CLN6: variants seen among roughly 807,000 people sequenced by gnomAD.
The protein encoded by CLN6 is CLN6 transmembrane ER protein.
A neutral mutation model predicts 33.3 loss-of-function variants in CLN6; 22 were observed. The observed-to-expected ratio is 0.66, with a 90% CI of 0.47 to 0.94. The LOEUF is 0.94. Ranked by LOEUF, CLN6 falls within the 40% of genes least tolerant of loss-of-function variation. The pLI, the probability that CLN6 is intolerant of heterozygous loss-of-function variation, is 0.00. For missense variants in CLN6, 387 were observed against 417.1 expected, an observed-to-expected ratio of 0.93 and a Z score of 0.63; for synonymous variants, 201 against 174.6, an observed-to-expected ratio of 1.15 and a Z score of -1.19.
upstream of CLN6, among the ~76,000 whole-genome samples, chr15:68,232,384 A>G (rs1223206946): frequency 2.0e-5 from 3 of 152,014 alleles, no homozygotes; most frequent in South Asian, 4.1e-4. This position sits in a 1 kb window ranked among gnomAD's most constrained non-coding sequence, Gnocchi z 4.7. Flanking sequence ...GTCTTGATCT[A>G]CTGACCTTGT....
Position 68,207,998 on chromosome 15 carries a change from A to ACG in CLN6, c.*140_*141dup. 1.2e-6 allele frequency: 1 copy of ACG among 807,356 alleles called. No homozygotes were observed. Among genetic ancestry groups the ACG allele is most frequent in the East Asian group, 2.7e-5 (1 of 37,480 alleles). 50.0% of individuals were successfully genotyped at this position (807,356 alleles called of 1,614,324 possible). A position where few individuals can be genotyped will look rare whatever the true frequency, so the allele number is the denominator to read the frequency against. ...ATACAAGACACACACACACACACAC[A>ACG]CGAATCCACGCACACGAGGCACACC... On this transcript the variant is annotated 3_prime_UTR_variant, in exon 7 of 7. Coordinates refer to ENST00000249806, the MANE Select transcript of CLN6 (RefSeq NM_017882.3).
exon 1 of CLN6, chr15:68,257,028 C>T: frequency 5.8e-6 from 3 of 520,380 alleles, no homozygotes; most frequent in Non-Finnish European, 1.0e-5. Context: ...GCAGAGGTCG[C>T]AATACCGCTG....
intron 2 of CLN6, among the ~76,000 whole-genome samples, chr15:68,217,602 T>C (rs1477288473): frequency 6.6e-6 from 1 of 152,206 alleles, no homozygotes; most frequent in East Asian, 1.9e-4. Context: ...GATATTGTTA[T>C]TTTTACACTT....
chr15:68,218,335 T>A (rs970871328), intron 2 of CLN6: 1 of 523,538 alleles, frequency 1.9e-6, no homozygotes, highest in Admixed American at 2.6e-5. Context: ...GGGCAAAGTA[T>A]GACTCTTCAG....
In CLN6 at chr15:68,235,581, A is replaced by T. The variant is rs551825435; in HGVS notation, c.180-16931T>A. On this transcript the variant is annotated intron_variant, in intron 1 of 6. Transcript: ENST00000538696. Reference sequence around the variant, plus strand: ...CGAGTCTGTGTCTAAAAAAAAAATAAAAATAAATATATATATATATATATA... The same window carrying T: ...CGAGTCTGTGTCTAAAAAAAAAATATAAATAAATATATATATATATATATA... Among the ~76,000 whole-genome samples the T allele has an allele frequency of 3.5e-3, 244 of 70,500 alleles. 1 individual carries two copies. Among genetic ancestry groups the T allele is most frequent in the African/African-American group, 0.011 (216 of 19,472 alleles). 46.3% of individuals were successfully genotyped at this position (70,500 alleles called of 152,430 possible). A position where few individuals can be genotyped will look rare whatever the true frequency, so the allele number is the denominator to read the frequency against.
chr15:68,255,574 G>T (rs1468207322), intron 1 of CLN6, among the ~76,000 whole-genome samples: 4 of 152,170 alleles, frequency 2.6e-5, no homozygotes, highest in Non-Finnish European at 5.9e-5. Context: ...TTTTATAGTG[G>T]CTTTCTGATT....
At chr15:68,237,185 A>C (rs998814268) in intron 1 of CLN6, among the ~76,000 whole-genome samples, 6 of 132,244 alleles carry the variant, frequency 4.5e-5, no homozygotes, top group Non-Finnish European at 1.0e-4. Context: ...AAAAAAAAAA[A>C]AAAACTGAAT....
rs1364740075 is a variant in CLN6, at chr15:68,210,526, G to A, written c.542+737C>T. On this transcript the variant is annotated intron_variant, in intron 5 of 6. Coordinates refer to ENST00000249806, the MANE Select transcript of CLN6 (RefSeq NM_017882.3). The surrounding 1 kb of genome is among the most constrained non-coding windows in gnomAD (Gnocchi z 5.6). ...TGCCCGTGCAGGGTGCGTGTGCTGT[G>A]AGCACCAACTCAGGAGTGAGCCGGG... Among the ~76,000 whole-genome samples the A allele has an allele frequency of 6.6e-6, 1 of 152,172 alleles. No homozygotes were observed. Among genetic ancestry groups the A allele is most frequent in the Non-Finnish European group, 1.5e-5 (1 of 68,032 alleles).
rs982555524 is a variant in CLN6, at chr15:68,207,095, C to T, written c.*1045G>A. The T allele has an allele frequency of 1.2e-4, 18 of 152,256 alleles. No homozygotes were observed. The highest frequency in any genetic ancestry group is 4.1e-4 in the African/African-American group (17 of 41,446). The allele number at this position is 152,256 out of a possible 1,614,324, so 9.4% of individuals were successfully genotyped here. On this transcript the variant is annotated 3_prime_UTR_variant, in exon 7 of 7. Transcript: ENST00000249806. ...CTGTGACTTCCTGTGGGTCCCTTCC[C>T]TTCTGTCCCTGACTCTGTAGACCCC... is the stretch of plus-strand genomic sequence containing the variant.
At chr15:68,218,466 C>T in intron 2 of CLN6, 70 bp downstream of exon 2, 2 of 1,127,190 alleles carry the variant, frequency 1.8e-6, no homozygotes, top group South Asian at 1.2e-5. Context: ...TCTAAGGTCA[C>T]TCGGCAAATT....
chr15:68,216,288 A>ACCAACCAGTATGT (rs2093220484), intron 2 of CLN6, among the ~76,000 whole-genome samples: 1 of 152,158 alleles, frequency 6.6e-6, no homozygotes, highest in Non-Finnish European at 1.5e-5. Context: ...TGCTAGAAGA[A>ACCAACCAGTATGT]GGTTCAGAGC....
chr15:68,214,305 G>T lies in CLN6; in HGVS notation c.282C>A (p.Pro94=), dbSNP rs139261571. The T allele has an allele frequency of 1.1e-4, 182 of 1,613,556 alleles. No homozygotes were observed. In the Admixed American group the frequency reaches 1.9e-3, roughly 17 times the overall value. Residue 94 remains proline (P), a synonymous_variant, in exon 3 of 7, where the codon CCC becomes CCA. Coordinates refer to ENST00000249806, the MANE Select transcript of CLN6 (RefSeq NM_017882.3). ...GGGACAGTACCTTGAGCAAGAGAAA[G>T]GGCGTGATGACGTTGTAGGCCATGT... ...YFHMAYNVIT[P]FLLLKLIERS...
rs756522171 is a variant in CLN6, at chr15:68,211,674, C to T, written c.486+1G>A. On this transcript the variant is annotated splice_donor_variant, in intron 4 of 6. Transcript: ENST00000249806. LOFTEE classifies it high-confidence loss of function. This position sits in a 1 kb window ranked among gnomAD's most constrained non-coding sequence, Gnocchi z 5.9. Reference sequence around the variant, plus strand: ...AGGCAGGGAGCAGGAGGTGGCCTCACCAGCGTCTCCGGCTTGAGATTCTTG... The same window carrying T: ...AGGCAGGGAGCAGGAGGTGGCCTCATCAGCGTCTCCGGCTTGAGATTCTTG... 107 of 1,613,432 alleles carry T rather than the reference C, an allele frequency of 6.6e-5. No homozygotes were observed. Among genetic ancestry groups the T allele is most frequent in the Non-Finnish European group, 8.7e-5 (103 of 1,179,988 alleles).
chr15:68,217,087 T>C (rs2093222569), intron 2 of CLN6, among the ~76,000 whole-genome samples: 1 of 152,246 alleles, frequency 6.6e-6, no homozygotes, highest in African/African-American at 2.4e-5. Context: ...CATTCGATGT[T>C]AGCCACTATT....
intron 1 of CLN6, among the ~76,000 whole-genome samples, chr15:68,252,783 A>C (rs1325973222): frequency 4.6e-5 from 7 of 152,234 alleles, no homozygotes; most frequent in Non-Finnish European, 8.8e-5. Context: ...ACTGTGGAAA[A>C]CTAAATAAAG....
chr15:68,229,268 C>T (rs2093260940), intron 1 of CLN6, among the ~76,000 whole-genome samples: 1 of 152,138 alleles, frequency 6.6e-6, no homozygotes, highest in South Asian at 2.1e-4. Flanking sequence ...ACCCGAGCAA[C>T]GGCGAAGCGG....
intron 1 of CLN6, chr15:68,254,951 T>C (rs749831031): frequency 1.5e-5 from 14 of 924,792 alleles, no homozygotes; most frequent in Non-Finnish European, 2.4e-5. Flanking sequence ...ACTGTACAGT[T>C]TGAAATGCTA....
At chr15:68,233,907 C>A (rs546743160), upstream of CLN6, among the ~76,000 whole-genome samples, 1 of 152,308 alleles carries the variant, frequency 6.6e-6, no homozygotes, top group South Asian at 2.1e-4. This position sits in a 1 kb window ranked among gnomAD's most constrained non-coding sequence, Gnocchi z 4.3. Flanking sequence ...CAGGACACTC[C>A]CCATCTGGCT....
Position 68,211,241 on chromosome 15 carries a change from G to C in CLN6, c.542+22C>G. 6.2e-7 allele frequency: 1 copy of C among 1,611,846 alleles called. No homozygotes were observed. ...GCCGGTAGTTGGGGCCCCTGGGATA[G>C]ACAGATGGGCCCATCACTCACCACA... On this transcript the variant is annotated intron_variant, in intron 5 of 6. Transcript: ENST00000249806. The surrounding 1 kb of genome is among the most constrained non-coding windows in gnomAD (Gnocchi z 5.9).
Sources: allele counts gnomAD v4.1 joint callset (sites outside exome capture counted in the v4.1 genomes callset), GRCh38; gene constraint gnomAD v4.1.1; non-coding constraint Gnocchi (gnomAD v3.1); transcripts MANE v1.5; gene names NCBI Gene and HGNC (gene_info 2026-07-23, HGNC 2026-07-21).